PIK3R4: variants seen among roughly 807,000 people sequenced by gnomAD.
PIK3R4 encodes the protein phosphoinositide 3-kinase regulatory subunit 4.
Under a neutral mutation model 136.5 loss-of-function variants are expected in PIK3R4, and 46 were observed. That is an observed-to-expected ratio of 0.34 (90% confidence interval 0.27 to 0.43). The LOEUF is 0.43. Ranked by LOEUF, PIK3R4 falls within the 20% of genes least tolerant of loss-of-function variation. PIK3R4 has a pLI of 1.00. For synonymous variants in PIK3R4, 557 were observed against 566.7 expected, an observed-to-expected ratio of 0.98 and a Z score of 0.24; for missense variants, 1,331 against 1,649.5, an observed-to-expected ratio of 0.81 and a Z score of 3.35.
Position 130,718,450 on chromosome 3 carries a change from G to A in PIK3R4, c.2066C>T (p.Ala689Val). The change falls in exon 8 of 20, where the codon GCT becomes GTT. Residue 689 changes from alanine (A) to valine (V), a missense_variant. Ala to Val is a moderately conservative substitution (Grantham distance 64). This residue lies in a region of PIK3R4 where 1,180 missense variants were observed against 1,407.0 expected (regional missense o/e 0.84). Coordinates refer to ENST00000356763, the MANE Select transcript of PIK3R4 (RefSeq NM_014602.3). ...AGGCATCAGTTTACAGTAGACATCA[G>A]CTGTACTTATTTGACGAGCTACCAC... is the stretch of plus-strand genomic sequence containing the variant. ...ITVVARQIST[A>V]DVYCKLMPYL... is the part of the protein sequence containing the mutation. The A allele has an allele frequency of 6.2e-7, 1 of 1,612,816 alleles. No homozygotes were observed. Among genetic ancestry groups the A allele is most frequent in the Non-Finnish European group, 8.5e-7 (1 of 1,178,846 alleles).
At chr3:130,693,823 T>C (rs2066532264) in intron 13 of PIK3R4, among the ~76,000 whole-genome samples, 1 of 152,178 alleles carries the variant, frequency 6.6e-6, no homozygotes, top group Non-Finnish European at 1.5e-5. Context: ...CTTGTGTTTT[T>C]CACGTAATTT....
chr3:130,679,072 A>G lies in PIK3R4; in HGVS notation c.*243T>C, dbSNP rs188475888. ...TTCATATTTTACATTTCTCACCTCT[A>G]TAACATATACAATAAAAATCCCAGA... On this transcript the variant is annotated 3_prime_UTR_variant, in exon 20 of 20. Coordinates refer to ENST00000356763, the MANE Select transcript of PIK3R4 (RefSeq NM_014602.3). 9.4e-5 allele frequency: 25 copies of G among 266,976 alleles called. No homozygotes were observed. In the East Asian group the frequency reaches 1.4e-3, roughly 15 times the overall value. 16.5% of individuals were successfully genotyped at this position (266,976 alleles called of 1,614,324 possible).
chr3:130,704,841 A>T (rs973649579), intron 12 of PIK3R4, among the ~76,000 whole-genome samples: 2 of 151,670 alleles, frequency 1.3e-5, no homozygotes, highest in Non-Finnish European at 2.9e-5. Context: ...TTATTTATTT[A>T]TTTTTTTGAG....
intron 2 of PIK3R4, among the ~76,000 whole-genome samples, chr3:130,739,519 A>C (rs76028718): frequency 0.25 from 38,412 of 151,810 alleles, 5,307 homozygotes; most frequent in South Asian, 0.36. Flanking sequence ...CTACAGGTGT[A>C]CACCACCACG....
chr3:130,727,207 G>A (rs1003769375), intron 6 of PIK3R4, among the ~76,000 whole-genome samples: 9 of 151,590 alleles, frequency 5.9e-5, no homozygotes, highest in African/African-American at 2.2e-4. Flanking sequence ...AGATTATTGG[G>A]AACCAAAACT....
chr3:130,712,681 A>G (rs957270332), intron 9 of PIK3R4, among the ~76,000 whole-genome samples: 3 of 152,086 alleles, frequency 2.0e-5, no homozygotes, highest in African/African-American at 7.2e-5. Context: ...AAAAAGAAAA[A>G]AAAAAAGAAA....
intron 9 of PIK3R4, among the ~76,000 whole-genome samples, chr3:130,713,255 T>A (rs1210391177): frequency 1.3e-5 from 2 of 152,222 alleles, no homozygotes. Context: ...AACAGAGGAT[T>A]GTCCCCTAAC....
At chr3:130,698,930 A>C (rs2066561568) in intron 13 of PIK3R4, among the ~76,000 whole-genome samples, 1 of 152,188 alleles carries the variant, frequency 6.6e-6, no homozygotes, top group Admixed American at 6.5e-5. Flanking sequence ...AATGCCTTGA[A>C]CAATTAAGTG....
intron 9 of PIK3R4, among the ~76,000 whole-genome samples, chr3:130,710,836 G>T (rs2066629064): frequency 6.6e-6 from 1 of 151,894 alleles, no homozygotes; most frequent in Admixed American, 6.6e-5. Flanking sequence ...GACTTCTATA[G>T]GTTCAATGCA....
chr3:130,733,618 C>A lies in PIK3R4; in HGVS notation c.1380G>T (p.Pro460=). 1.2e-6 allele frequency: 2 copies of A among 1,614,004 alleles called. No homozygotes were observed. Among genetic ancestry groups the A allele is most frequent in the Non-Finnish European group, 1.7e-6 (2 of 1,179,904 alleles). Residue 460 remains proline (P), a synonymous_variant, in exon 4 of 20, where the codon CCG becomes CCT. Coordinates refer to ENST00000356763, the MANE Select transcript of PIK3R4 (RefSeq NM_014602.3). ...GGGCTATGCCTGGCAGAATGTATTC[C>A]GGATAAATATTGATATCATTACGAG... ...EVPRNDINIY[P]EYILPGIAHL...
intron 13 of PIK3R4, among the ~76,000 whole-genome samples, chr3:130,700,945 C>T (rs2066570740): frequency 6.6e-6 from 1 of 152,194 alleles, no homozygotes; most frequent in South Asian, 2.1e-4. Context: ...GAGATCCAGT[C>T]TCCTAACCAT....
At chr3:130,736,040 T>TA (rs111464199) in intron 2 of PIK3R4, 38 bp from the exon 3 acceptor site, 297,136 of 1,533,080 alleles carry the variant, frequency 0.19, 31,735 homozygotes, top group South Asian at 0.34. Context: ...AGAAAAGAGA[T>TA]AAAAAATATC....
intron 8 of PIK3R4, among the ~76,000 whole-genome samples, chr3:130,717,010 G>A (rs935369962): frequency 3.9e-5 from 6 of 152,108 alleles, no homozygotes; most frequent in Non-Finnish European, 8.8e-5. Context: ...ACATTTTCGT[G>A]GTAGATTCAA....
intron 2 of PIK3R4, among the ~76,000 whole-genome samples, chr3:130,736,628 TA>T (rs1367329097): frequency 1.3e-5 from 2 of 152,096 alleles, no homozygotes; most frequent in African/African-American, 2.4e-5. Context: ...ATATATGTAA[TA>T]TATACAATTT....
At chr3:130,721,110 C>A (rs1405303042) in intron 7 of PIK3R4, among the ~76,000 whole-genome samples, 1 of 151,286 alleles carries the variant, frequency 6.6e-6, no homozygotes, top group Non-Finnish European at 1.5e-5. Context: ...CTGAGGCGGG[C>A]GGATCACGAG....
At chr3:130,686,897 GGTTT>G (rs1313476020) in intron 14 of PIK3R4, among the ~76,000 whole-genome samples, 1 of 151,984 alleles carries the variant, frequency 6.6e-6, no homozygotes, top group Admixed American at 6.6e-5. Flanking sequence ...CCTCAATTTG[GGTTT>G]GTTTGATGTT....
chr3:130,706,749 C>A (rs1231589078), intron 11 of PIK3R4, among the ~76,000 whole-genome samples, 199 bp downstream of exon 11: 3 of 152,156 alleles, frequency 2.0e-5, no homozygotes, highest in African/African-American at 7.2e-5. Flanking sequence ...AAAATGAGAT[C>A]TTTTTAGTAC....
rs777548732 is a variant in PIK3R4 at position 130,679,383 on chromosome 3, T to C, written c.4009A>G (p.Thr1337Ala). 1.1e-5 allele frequency: 17 copies of C among 1,613,366 alleles called. 1 individual carries two copies. Among genetic ancestry groups the C allele is most frequent in the Admixed American group, 1.7e-5 (1 of 60,006 alleles). The change falls in exon 20 of 20, where the codon ACA (threonine) becomes GCA (alanine). Residue 1337 changes from threonine (T) to alanine (A), a missense_variant. By Grantham distance (58) the Thr-to-Ala change is moderately conservative (BLOSUM62 0). Around this residue, in one of 2 missense-constraint regions of PIK3R4, gnomAD observed 1,180 missense variants for 1,407.0 expected, o/e 0.84. Coordinates refer to ENST00000356763, the MANE Select transcript of PIK3R4 (RefSeq NM_014602.3). Reference protein sequence around the residue: ...GHHDIITDVATFQTTQGFIVT... With the variant: ...GHHDIITDVAAFQTTQGFIVT... ...ATGAAGCCCTGTGTGGTCTGGAATG[T>C]GGCGACATCAGTGATGATGTCATGA...
Position 130,684,246 on chromosome 3 carries a change from T to C in PIK3R4, c.3607+4A>G. 1.2e-6 allele frequency: 2 copies of C among 1,611,126 alleles called. No homozygotes were observed. Among genetic ancestry groups the C allele is most frequent in the Non-Finnish European group, 1.7e-6 (2 of 1,177,778 alleles). The stretch of plus-strand genomic sequence containing the variant: ...AACACATGAAAGCCAGCCCTCCATC[T>C]TACCTGCAATCACCCAGGACTGATA... On this transcript the variant is annotated splice_donor_region_variant and intron_variant, in intron 16 of 19. Transcript: ENST00000356763.
Sources: gnomAD v4.1 joint callset for allele counts (sites outside exome capture counted in the v4.1 genomes callset) on GRCh38, gnomAD v4.1.1 for gene constraint, gnomAD v4.1.1 regional missense constraint, MANE v1.5 for transcripts, NCBI Gene and HGNC (gene_info 2026-07-23, HGNC 2026-07-21) for gene names.